MIDEAS: variants seen among roughly 807,000 people sequenced by gnomAD.
MIDEAS encodes mitotic deacetylase-associated SANT domain protein.
In MIDEAS, 26 loss-of-function variants were observed where a neutral mutation model predicts 102.7. That is an observed-to-expected ratio of 0.25 (90% CI 0.19 to 0.35). The LOEUF (loss-of-function observed/expected upper bound fraction) is 0.35. MIDEAS is among the 10% of genes least tolerant of loss of function. The pLI, the probability that MIDEAS is intolerant of heterozygous loss-of-function variation, is 1.00. For synonymous variants in MIDEAS, 585 were observed against 591.0 expected, an observed-to-expected ratio of 0.99 and a Z score of 0.15; for missense variants, 1,231 against 1,435.6, an observed-to-expected ratio of 0.86 and a Z score of 2.30.
At chr14:73,719,064 C>A in intron 12 of MIDEAS, 56 bp from the exon 13 acceptor site, 2 of 1,447,640 alleles carry the variant, frequency 1.4e-6, no homozygotes, top group Non-Finnish European at 1.8e-6. Flanking sequence ...GGGCCCCCAG[C>A]GCGGGTGCGC....
intron 1 of MIDEAS, among the ~76,000 whole-genome samples, chr14:73,773,308 C>A (rs2053658747): frequency 6.6e-6 from 1 of 151,868 alleles, no homozygotes; most frequent in Admixed American, 6.6e-5. Context: ...TACCCTATGA[C>A]TGGTGGATGT....
At chr14:73,726,492 C>T (rs1267128287) in intron 7 of MIDEAS, 112 bp downstream of exon 7, 4 of 1,039,096 alleles carry the variant, frequency 3.8e-6, no homozygotes, top group Non-Finnish European at 5.7e-6. Context: ...TAGTCAGACC[C>T]TCCTACTGGC....
In MIDEAS at chr14:73,736,986, C is replaced by G. The variant is rs1566590516; in HGVS notation, c.1749+12G>C. 3 of 1,606,254 alleles carry G rather than the reference C, an allele frequency of 1.9e-6. No individual in the cohort carries two copies. The highest frequency in any genetic ancestry group is 2.6e-6 in the Non-Finnish European group (3 of 1,174,850). On this transcript the variant is annotated intron_variant, in intron 3 of 12. Coordinates refer to ENST00000423556, the MANE Select transcript of MIDEAS (RefSeq NM_001367710.1). ...ACGCGCTGGAGGTGTTTAGAAGGGG[C>G]GCCTCTCATACCTGAGCTTGAGCAT...
At chr14:73,747,408 C>G (rs1425379706) in intron 1 of MIDEAS, among the ~76,000 whole-genome samples, 1 of 152,076 alleles carries the variant, frequency 6.6e-6, no homozygotes, top group East Asian at 1.9e-4. Flanking sequence ...GCAAGTGCCA[C>G]CAGGACTAGC....
In MIDEAS at chr14:73,737,040, G is replaced by A; in HGVS notation, c.1707C>T (p.Arg569=). ...AEHKPSVIVT[R]RRSTRIPGTD... ...TCCCGGGGATTCGGGTGGACCGCCT[G>A]CGGGTGACGATGACTGATGGCTTGT... is the stretch of plus-strand genomic sequence containing the variant. Residue 569 remains arginine, a synonymous_variant, in exon 3 of 13, where the codon CGC becomes CGT. Coordinates refer to ENST00000423556, the MANE Select transcript of MIDEAS (RefSeq NM_001367710.1). The A allele has an allele frequency of 6.2e-7, 1 of 1,613,998 alleles. No homozygotes were observed.
chr14:73,778,112 TG>T (rs1487103086), intron 1 of MIDEAS, among the ~76,000 whole-genome samples: 1 of 151,858 alleles, frequency 6.6e-6, no homozygotes, highest in Non-Finnish European at 1.5e-5. Context: ...CCCAGCACTT[TG>T]GGAGGCCGAG....
At chr14:73,773,747 G>T (rs1224946626) in intron 1 of MIDEAS, among the ~76,000 whole-genome samples, 2 of 151,944 alleles carry the variant, frequency 1.3e-5, no homozygotes, top group Non-Finnish European at 2.9e-5. Flanking sequence ...GAGAGGCCAG[G>T]CGCAATGGCT....
chr14:73,740,799 G>A (rs1175740293), intron 1 of MIDEAS, among the ~76,000 whole-genome samples: 3 of 152,206 alleles, frequency 2.0e-5, no homozygotes, highest in African/African-American at 4.8e-5. Context: ...TCTCAGGCTC[G>A]GGAAGTGGAG....
At chr14:73,721,676 G>C (rs1595251096) in intron 10 of MIDEAS, 167 bp from the exon 11 acceptor site, 2 of 618,934 alleles carry the variant, frequency 3.2e-6, no homozygotes, top group Admixed American at 2.9e-5. Flanking sequence ...CCATGGCATA[G>C]TAGCCATGGG....
intron 6 of MIDEAS, 42 bp downstream of exon 6, chr14:73,726,788 C>T: frequency 6.2e-7 from 1 of 1,606,596 alleles, no homozygotes; most frequent in South Asian, 1.1e-5. Context: ...CTGGCCCACC[C>T]ATGTGCCTGC....
upstream of MIDEAS, among the ~76,000 whole-genome samples, chr14:73,789,324 A>G (rs1383139018): frequency 6.6e-6 from 1 of 152,114 alleles, no homozygotes; most frequent in Non-Finnish European, 1.5e-5. Flanking sequence ...GCCACGTCCT[A>G]AGGCAGCCTG....
chr14:73,722,507 T>G (rs1051981251), intron 10 of MIDEAS, 191 bp downstream of exon 10: 1 of 527,038 alleles, frequency 1.9e-6, no homozygotes, highest in African/African-American at 1.9e-5. Flanking sequence ...ACACAATGTA[T>G]TATTACTATG....
At position 73,725,111 on chromosome 14, in the gene MIDEAS, A is replaced by G. The variant is rs180723674; in HGVS notation, c.2574+161T>C. The G allele has an allele frequency of 4.1e-5, 26 of 641,868 alleles. No individual in the cohort carries two copies. In the African/African-American group the frequency reaches 4.2e-4, roughly 10 times the overall value. 39.8% of individuals were successfully genotyped at this position (641,868 alleles called of 1,614,324 possible). On this transcript the variant is annotated intron_variant, in intron 9 of 12. Transcript: ENST00000423556. The surrounding 1 kb of genome is among the most constrained non-coding windows in gnomAD (Gnocchi z 4.1). ...TAGAACCAAAAGGGAAAAGAGACCT[A>G]TCTTTCTCTTTCTTGTATTGTTTAG... is the stretch of plus-strand genomic sequence containing the variant.
At position 73,756,306 on chromosome 14, in the gene MIDEAS, G is replaced by GCA. The variant is rs916749655; in HGVS notation, c.-248+3456_-248+3457insTG. ...TGTGTGTGTGTGTGTGCGCGCGCGC[G>GCA]TGCGCGCTGAGGTGGAGGGAGGGTG... On this transcript the variant is annotated intron_variant, in intron 1 of 12. Transcript: ENST00000423556. 3.6e-4 allele frequency among the ~76,000 whole-genome samples: 35 copies of GCA among 98,332 alleles called. No individual in the cohort carries two copies. The East Asian group carries it at 8.8e-3, about 25-fold the overall frequency. The allele number at this position is 98,332 out of a possible 152,430, so 64.5% of individuals were successfully genotyped here. A position where few individuals can be genotyped will look rare whatever the true frequency, so the allele number is the denominator to read the frequency against.
At chr14:73,735,122 G>A (rs1477023528) in intron 3 of MIDEAS, among the ~76,000 whole-genome samples, 1 of 152,184 alleles carries the variant, frequency 6.6e-6, no homozygotes, top group Non-Finnish European at 1.5e-5. Context: ...GGACTGGGGA[G>A]ATGCTGGTCA....
At chr14:73,736,406 CG>C (rs1288242711) in intron 3 of MIDEAS, among the ~76,000 whole-genome samples, 1 of 151,718 alleles carries the variant, frequency 6.6e-6, no homozygotes, top group African/African-American at 2.4e-5. Context: ...CTGAGGTGGG[CG>C]GATCACGAGG....
chr14:73,719,067 G>C, intron 12 of MIDEAS, 59 bp from the exon 13 acceptor site: 1 of 1,446,676 alleles, frequency 6.9e-7, no homozygotes. Flanking sequence ...CCCCCAGCGC[G>C]GGTGCGCGAG....
Position 73,725,546 on chromosome 14 carries a change from A to G in MIDEAS, c.2486-186T>C, listed in dbSNP as rs985593958. ...CCTTGCTTGTGAAATGGAAACTAAT[A>G]TCACCTAGCTCACCAGCTGTGGTGA... On this transcript the variant is annotated intron_variant, in intron 8 of 12. Transcript: ENST00000423556. This position sits in a 1 kb window ranked among gnomAD's most constrained non-coding sequence, Gnocchi z 4.1. Among the ~76,000 whole-genome samples, 2 of 152,202 alleles carry G rather than the reference A, an allele frequency of 1.3e-5. No homozygotes were observed. Among genetic ancestry groups the G allele is most frequent in the Non-Finnish European group, 2.9e-5 (2 of 68,036 alleles).
chr14:73,788,010 A>T (rs980463420), upstream of MIDEAS, among the ~76,000 whole-genome samples: 1 of 152,224 alleles, frequency 6.6e-6, no homozygotes, highest in Non-Finnish European at 1.5e-5. Context: ...ATCATTGCTC[A>T]AAATAAATGT....
Sources: gnomAD v4.1 joint callset for allele counts (sites outside exome capture counted in the v4.1 genomes callset) on GRCh38, gnomAD v4.1.1 for gene constraint, Gnocchi (gnomAD v3.1) non-coding constraint, MANE v1.5 for transcripts, NCBI Gene and HGNC (gene_info 2026-07-23, HGNC 2026-07-21) for gene names.